The following PRDM16 variants were observed in gnomAD, a reference collection of about 807,000 sequenced individuals.
The protein encoded by PRDM16 is PR/SET domain 16.
A neutral mutation model predicts 110.6 loss-of-function variants in PRDM16; 23 were observed. The ratio of observed to expected loss-of-function variants is 0.21; its 90% confidence interval spans 0.15 to 0.29. PRDM16 has a LOEUF of 0.29. Among genes scored for constraint, PRDM16 ranks in the 10% least tolerant of loss-of-function variants. The probability of loss-of-function intolerance (pLI) is 1.00; values close to 1 mark genes in which losing one functional copy is unlikely to be tolerated. For synonymous variants in PRDM16, 799 were observed against 781.8 expected, an observed-to-expected ratio of 1.02 and a Z score of -0.37; for missense variants, 1,615 against 1,794.3, an observed-to-expected ratio of 0.90 and a Z score of 1.81.
chr1:3,275,027 G>C (rs1194769661), intron 3 of PRDM16, among the ~76,000 whole-genome samples: 1 of 152,214 alleles, frequency 6.6e-6, no homozygotes, highest in Admixed American at 6.5e-5. Flanking sequence ...TGGACTCTGA[G>C]CATCCCCCAG....
chr1:3,112,544 C>T (rs1030659912), intron 1 of PRDM16, among the ~76,000 whole-genome samples: 7 of 152,208 alleles, frequency 4.6e-5, no homozygotes, highest in Admixed American at 6.5e-5. Flanking sequence ...CAGTGGCCTT[C>T]GCCTGGGGAT....
intron 3 of PRDM16, among the ~76,000 whole-genome samples, chr1:3,351,892 G>A (rs1345196325): frequency 2.6e-5 from 4 of 151,252 alleles, no homozygotes; most frequent in Non-Finnish European, 5.9e-5. Flanking sequence ...ACTTGGTATG[G>A]AAGGGAGAGC....
intron 1 of PRDM16, among the ~76,000 whole-genome samples, chr1:3,185,255 A>C (rs1198290246): frequency 6.6e-6 from 1 of 152,016 alleles, no homozygotes; most frequent in East Asian, 1.9e-4. Context: ...CTCTCTTAGG[A>C]CGGACCCCAA....
chr1:3,084,017 G>A (rs1234620208), intron 1 of PRDM16, among the ~76,000 whole-genome samples: 3 of 152,220 alleles, frequency 2.0e-5, no homozygotes, highest in Admixed American at 6.5e-5. Context: ...ACCCTTGTTC[G>A]GAGAGATGTC....
chr1:3,259,576 C>A (rs2100246298), intron 3 of PRDM16, among the ~76,000 whole-genome samples: 1 of 152,318 alleles, frequency 6.6e-6, no homozygotes, highest in Non-Finnish European at 1.5e-5. Flanking sequence ...CAGTAAGCGG[C>A]AAATCAGGCC....
chr1:3,310,269 A>G (rs12567158), intron 3 of PRDM16, among the ~76,000 whole-genome samples: 17,068 of 152,140 alleles, frequency 0.11, 1,160 homozygotes, highest in East Asian at 0.32. Flanking sequence ...TCTGGGGCCC[A>G]AAGGCCGGAT....
chr1:3,240,552 C>T (rs531135326), intron 2 of PRDM16, among the ~76,000 whole-genome samples: 73 of 152,168 alleles, frequency 4.8e-4, no homozygotes, highest in Non-Finnish European at 9.3e-4. Flanking sequence ...TCCTCCGCAC[C>T]GGGCTCCGTC....
At chr1:3,104,792 GACATGGACCCT>G (rs1642613724) in intron 1 of PRDM16, among the ~76,000 whole-genome samples, 1 of 152,180 alleles carries the variant, frequency 6.6e-6, no homozygotes, top group Non-Finnish European at 1.5e-5. Context: ...CCCGCCCACA[GACATGGACCCT>G]GAAGGGCAGG....
chr1:3,256,999 T>C (rs968930480), intron 3 of PRDM16, among the ~76,000 whole-genome samples: 1 of 152,256 alleles, frequency 6.6e-6, no homozygotes, highest in Non-Finnish European at 1.5e-5. Context: ...ATAATATGCC[T>C]TATTGCTGAG....
intron 3 of PRDM16, among the ~76,000 whole-genome samples, chr1:3,302,360 A>G (rs1028380572): frequency 6.6e-6 from 1 of 152,218 alleles, no homozygotes; most frequent in East Asian, 1.9e-4. Flanking sequence ...AACAGTGTAG[A>G]TACTTTAATT....
chr1:3,346,253 G>A (rs899314836), intron 3 of PRDM16, among the ~76,000 whole-genome samples: 3 of 152,232 alleles, frequency 2.0e-5, no homozygotes, highest in Non-Finnish European at 2.9e-5. Context: ...GGCGGTGAGC[G>A]ACGTACCCTT....
intron 2 of PRDM16, among the ~76,000 whole-genome samples, chr1:3,232,923 T>C (rs1430044822): frequency 1.3e-5 from 2 of 152,166 alleles, no homozygotes; most frequent in African/African-American, 4.8e-5. Flanking sequence ...CCCTTCTTAT[T>C]CACTTATGAT....
At chr1:3,198,162 A>T (rs1194375886) in intron 2 of PRDM16, among the ~76,000 whole-genome samples, 1 of 151,924 alleles carries the variant, frequency 6.6e-6, no homozygotes, top group Non-Finnish European at 1.5e-5. Context: ...AGGGGCGGGC[A>T]CTCCATGCGT....
At chr1:3,361,708 C>T (rs1359155011) in intron 3 of PRDM16, among the ~76,000 whole-genome samples, 1 of 152,192 alleles carries the variant, frequency 6.6e-6, no homozygotes, top group African/African-American at 2.4e-5. Flanking sequence ...GGCTATGTGA[C>T]CAGGTGGTGA....
chr1:3,411,682 G>A lies in PRDM16; in HGVS notation c.1485G>A (p.Pro495=), dbSNP rs370666366. The A allele has an allele frequency of 3.4e-5, 54 of 1,610,460 alleles. No individual in the cohort carries two copies. The highest frequency in any genetic ancestry group is 2.1e-4 in the African/African-American group (16 of 74,828). Residue 495 remains proline (P), a synonymous_variant, in exon 9 of 17, where the codon CCG becomes CCA. Coordinates refer to ENST00000270722, the MANE Select transcript of PRDM16 (RefSeq NM_022114.4). ...FNEYFPSRPH[P]GSLPFSTAPP... is the part of the protein sequence containing the mutation. ...AGTACTTTCCCTCCAGGCCGCACCC[G>A]GGGAGCCTGCCCTTCTCCACGGCGC... is the stretch of plus-strand genomic sequence containing the variant.
rs1320927902 is a variant in PRDM16, at chr1:3,265,947, G to A, written c.438+21810G>A. Among the ~76,000 whole-genome samples, 1 of 152,026 alleles carries A rather than the reference G, an allele frequency of 6.6e-6. No homozygotes were observed. The highest frequency in any genetic ancestry group is 2.4e-5 in the African/African-American group (1 of 41,382). On this transcript the variant is annotated intron_variant, in intron 3 of 16. Coordinates refer to ENST00000270722, the MANE Select transcript of PRDM16 (RefSeq NM_022114.4). This position sits in a 1 kb window ranked among gnomAD's most constrained non-coding sequence, Gnocchi z 4.5. ...CGTGTCTCATAAAGCCCAGGAGGGC[G>A]AGGCCAGGCCCAGCCCCCAACTCAA...
chr1:3,106,787 T>C lies in PRDM16; in HGVS notation c.37+37491T>C, dbSNP rs545731402. On this transcript the variant is annotated intron_variant, in intron 1 of 16. Coordinates refer to ENST00000270722, the MANE Select transcript of PRDM16 (RefSeq NM_022114.4). ...GGTATCAGCGAGGCAGTGCTGGCCA[T>C]TGCTGGGCTGGCATTGGAAGGTAAG... 3.9e-5 allele frequency among the ~76,000 whole-genome samples: 6 copies of C among 152,216 alleles called. No individual in the cohort carries two copies. In the East Asian group the frequency reaches 5.8e-4, roughly 15 times the overall value.
At chr1:3,238,854 C>G (rs896282448) in intron 2 of PRDM16, among the ~76,000 whole-genome samples, 3 of 152,246 alleles carry the variant, frequency 2.0e-5, no homozygotes, top group Admixed American at 1.3e-4. Flanking sequence ...GACTCGAGTG[C>G]GGGCGCTGCC....
intron 1 of PRDM16, among the ~76,000 whole-genome samples, chr1:3,131,652 A>T (rs1003126644): frequency 6.6e-6 from 1 of 152,250 alleles, no homozygotes; most frequent in Non-Finnish European, 1.5e-5. Flanking sequence ...CCATTGGAAA[A>T]GCGAGGGTTG....
Sources: gnomAD v4.1 joint callset for allele counts (sites outside exome capture counted in the v4.1 genomes callset) on GRCh38, gnomAD v4.1.1 for gene constraint, Gnocchi (gnomAD v3.1) non-coding constraint, MANE v1.5 for transcripts, NCBI Gene and HGNC (gene_info 2026-07-23, HGNC 2026-07-21) for gene names.